Variants in AP5S1 observed in about 807,000 individuals in gnomAD.
The protein encoded by AP5S1 is AP-5 complex subunit sigma-1.
A neutral mutation model predicts 13.9 loss-of-function variants in AP5S1; 13 were observed. That is an observed-to-expected ratio of 0.94 (90% CI 0.61 to 1.49). The LOEUF (loss-of-function observed/expected upper bound fraction) is 1.49, where lower values mean the gene tolerates loss of function less well. Among genes scored for constraint, AP5S1 ranks in the 40% most tolerant of loss-of-function variants. AP5S1 has a pLI of 0.00. For synonymous variants in AP5S1, 132 were observed against 121.8 expected (o/e 1.08, Z -0.55); for missense variants, 292 against 272.3 (o/e 1.07, Z -0.51).
In AP5S1 at chr20:3,822,149, G is replaced by T. The variant is rs1397170477; in HGVS notation, c.32G>T (p.Arg11Met). The T allele has an allele frequency of 1.2e-6, 2 of 1,614,062 alleles. No individual in the cohort carries two copies. Among genetic ancestry groups the T allele is most frequent in the Non-Finnish European group, 1.7e-6 (2 of 1,180,012 alleles). Residue 11 changes from arginine (R) to methionine (M), a missense_variant, in exon 2 of 3, where the codon AGG (arginine) becomes ATG (methionine). Coordinates refer to ENST00000615891, the MANE Select transcript of AP5S1 (RefSeq NM_018347.3). ...CACGCCTTCCTCATTCACACCTTGA[G>T]GGCCCCGAATACTGAGGACACGGGC... MVHAFLIHTL[R>M]APNTEDTGLC... is the part of the protein sequence containing the mutation.
At chr20:3,823,846 A>G in intron 2 of AP5S1, 25 bp from the exon 3 acceptor site, 1 of 1,584,492 alleles carries the variant, frequency 6.3e-7, no homozygotes, top group Non-Finnish European at 8.6e-7. Flanking sequence ...TGAGCCCACC[A>G]GCCTGACCTG....
At position 3,824,036 on chromosome 20, in the gene AP5S1, G is replaced by A. The variant is rs1443941319; in HGVS notation, c.342G>A (p.Trp114Ter). ...NPFQEPRTVVWLGVLSLGFAL... is the reference protein window; with the variant it reads ...NPFQEPRTVV ...TCCAGGAGCCACGGACGGTGGTGTG[G>A]CTGGGCGTGCTCTCGTTAGGCTTTG... The change falls in exon 3 of 3, where the codon TGG becomes TGA. Residue 114 changes from tryptophan (W) to a stop codon, truncating the protein, a stop_gained. Transcript: ENST00000615891. LOFTEE classifies it high-confidence loss of function. The A allele has an allele frequency of 5.6e-6, 9 of 1,613,600 alleles. No individual in the cohort carries two copies. Among genetic ancestry groups the A allele is most frequent in the Non-Finnish European group, 7.6e-6 (9 of 1,180,030 alleles).
rs1028448045 is a variant in AP5S1, at chr20:3,823,339, C to G, written c.177-532C>G. Among the ~76,000 whole-genome samples, 9 of 152,194 alleles carry G rather than the reference C, an allele frequency of 5.9e-5. No individual in the cohort carries two copies. The South Asian group carries it at 1.7e-3, about 28-fold the overall frequency. On this transcript the variant is annotated intron_variant, in intron 2 of 2. Transcript: ENST00000615891. The stretch of plus-strand genomic sequence containing the variant: ...TCTTGGCTCACTGCAACCTCCGCCT[C>G]CTGGGTTCATGCCATTCTCCTGCCT...
Position 3,825,035 on chromosome 20 carries a change from G to A in AP5S1, c.*738G>A, listed in dbSNP as rs1262803036. On this transcript the variant is annotated 3_prime_UTR_variant, in exon 3 of 3. Coordinates refer to ENST00000615891, the MANE Select transcript of AP5S1 (RefSeq NM_018347.3). ...TGCATGCTGGCAGGCCACAGCCCCTGGCTTTGTGCCCACTTAGGCAGTATT... is the reference window on the plus strand; with the variant it reads ...TGCATGCTGGCAGGCCACAGCCCCTAGCTTTGTGCCCACTTAGGCAGTATT... 2 of 152,022 alleles carry A rather than the reference G, an allele frequency of 1.3e-5. No homozygotes were observed. The highest frequency in any genetic ancestry group is 4.8e-5 in the African/African-American group (2 of 41,332). 9.4% of individuals were successfully genotyped at this position (152,022 alleles called of 1,614,324 possible).
intron 2 of AP5S1, among the ~76,000 whole-genome samples, chr20:3,822,783 T>C (rs1189857286): frequency 6.6e-6 from 1 of 152,202 alleles, no homozygotes; most frequent in African/African-American, 2.4e-5. Context: ...TTAGTGTGCC[T>C]GTAGACTTTA....
In AP5S1 at chr20:3,822,097, T is replaced by C; in HGVS notation, c.-16-5T>C. ...ACCTTACCAATGTCTCTGGCTTCCC[T>C]GTAGCACCCACCCTGGAGCCATGGT... On this transcript the variant is annotated splice_region_variant and splice_polypyrimidine_tract_variant and intron_variant, in intron 1 of 2. Coordinates refer to ENST00000615891, the MANE Select transcript of AP5S1 (RefSeq NM_018347.3). 1 of 1,610,754 alleles carries C rather than the reference T, an allele frequency of 6.2e-7. No homozygotes were observed. Among genetic ancestry groups the C allele is most frequent in the Non-Finnish European group, 8.5e-7 (1 of 1,178,116 alleles).
Position 3,825,664 on chromosome 20 carries a change from T to TCAAGCCTATTA in AP5S1, c.*1367_*1368insCAAGCCTATTA. Reference sequence around the variant, plus strand: ...ATGCTTGTCAAGCCTATTAGGACTGTGGTAGGGAGCTGAGTGCCTCTAGGG... The same window carrying TCAAGCCTATTA: ...ATGCTTGTCAAGCCTATTAGGACTGTCAAGCCTATTAGGTAGGGAGCTGAGTGCCTCTAGGG... On this transcript the variant is annotated 3_prime_UTR_variant, in exon 3 of 3. Transcript: ENST00000615891. 1 of 152,128 alleles carries TCAAGCCTATTA rather than the reference T, an allele frequency of 6.6e-6. No homozygotes were observed. The highest frequency in any genetic ancestry group is 2.4e-5 in the African/African-American group (1 of 41,498). 9.4% of individuals were successfully genotyped at this position (152,128 alleles called of 1,614,324 possible).
chr20:3,823,720 T>C, intron 2 of AP5S1, 151 bp from the exon 3 acceptor site: 1 of 1,458,796 alleles, frequency 6.9e-7, no homozygotes, highest in South Asian at 1.5e-5. Flanking sequence ...TTCCTGATTC[T>C]GTGGCCCTGG....
rs564688710 is a variant in AP5S1, at chr20:3,820,956, C to G, written c.-17+198C>G. 4 of 152,290 alleles carry G rather than the reference C, an allele frequency of 2.6e-5. No homozygotes were observed. In the East Asian group the frequency reaches 7.7e-4, roughly 29 times the overall value. The allele number at this position is 152,290 out of a possible 1,614,324, so 9.4% of individuals were successfully genotyped here. On this transcript the variant is annotated intron_variant, in intron 1 of 2. Coordinates refer to ENST00000615891, the MANE Select transcript of AP5S1 (RefSeq NM_018347.3). ...TCTGTTTAGCCTTAGCTACAGATAC[C>G]CACTGACTGTGTACCCGCCGCCTTT...
In AP5S1 at chr20:3,826,276, C is replaced by G. The variant is rs1465350845; in HGVS notation, c.*1979C>G. ...TTATGGTGCCACAAACCACCTTGAC[C>G]ATGAAGACCTAAAGGGATGTTACTC... On this transcript the variant is annotated 3_prime_UTR_variant, in exon 3 of 3. Transcript: ENST00000615891. 1 of 152,208 alleles carries G rather than the reference C, an allele frequency of 6.6e-6. No individual in the cohort carries two copies. The highest frequency in any genetic ancestry group is 1.5e-5 in the Non-Finnish European group (1 of 68,074). 9.4% of individuals were successfully genotyped at this position (152,208 alleles called of 1,614,324 possible). A position where few individuals can be genotyped will look rare whatever the true frequency, so the allele number is the denominator to read the frequency against.
chr20:3,824,427 T>C lies in AP5S1; in HGVS notation c.*130T>C. On this transcript the variant is annotated 3_prime_UTR_variant, in exon 3 of 3. Coordinates refer to ENST00000615891, the MANE Select transcript of AP5S1 (RefSeq NM_018347.3). ...CCAGGACAAGTGGGTGACACAAGCC[T>C]GCAGAAAGGGGGCTGGGCAGAGGGT... 1 of 959,230 alleles carries C rather than the reference T, an allele frequency of 1.0e-6. No individual in the cohort carries two copies. Among genetic ancestry groups the C allele is most frequent in the East Asian group, 2.6e-5 (1 of 38,164 alleles). The allele number at this position is 959,230 out of a possible 1,614,324, so 59.4% of individuals were successfully genotyped here. A position where few individuals can be genotyped will look rare whatever the true frequency, so the allele number is the denominator to read the frequency against.
rs1422735205 is a variant in AP5S1, at chr20:3,828,620, T to C, written c.*4323T>C. 1 of 152,268 alleles carries C rather than the reference T, an allele frequency of 6.6e-6. No individual in the cohort carries two copies. The highest frequency in any genetic ancestry group is 6.5e-5 in the Admixed American group (1 of 15,280). 9.4% of individuals were successfully genotyped at this position (152,268 alleles called of 1,614,324 possible). Reference sequence around the variant, plus strand: ...GAATGTTGTGTAGTTAGATTCATACTGTATATGTAGCCTTTTCAGATTGAC... The same window carrying C: ...GAATGTTGTGTAGTTAGATTCATACCGTATATGTAGCCTTTTCAGATTGAC... On this transcript the variant is annotated 3_prime_UTR_variant, in exon 3 of 3. Coordinates refer to ENST00000615891, the MANE Select transcript of AP5S1 (RefSeq NM_018347.3).
In AP5S1 at chr20:3,824,441, T is replaced by A. The variant is rs189416579; in HGVS notation, c.*144T>A. ...TGACACAAGCCTGCAGAAAGGGGGC[T>A]GGGCAGAGGGTGGAGGAGGTCCTGC... On this transcript the variant is annotated 3_prime_UTR_variant, in exon 3 of 3. Transcript: ENST00000615891. 3.5e-6 allele frequency: 3 copies of A among 856,228 alleles called. No homozygotes were observed. The highest frequency in any genetic ancestry group is 5.3e-6 in the Non-Finnish European group (3 of 565,034). The allele number at this position is 856,228 out of a possible 1,614,324, so 53.0% of individuals were successfully genotyped here.
Position 3,822,106 on chromosome 20 carries a change from C to G in AP5S1, c.-12C>G, listed in dbSNP as rs1217275289. The G allele has an allele frequency of 1.2e-6, 2 of 1,611,324 alleles. No individual in the cohort carries two copies. Among genetic ancestry groups the G allele is most frequent in the Non-Finnish European group, 1.7e-6 (2 of 1,178,466 alleles). Reference sequence around the variant, plus strand: ...ATGTCTCTGGCTTCCCTGTAGCACCCACCCTGGAGCCATGGTCCACGCCTT... The same window carrying G: ...ATGTCTCTGGCTTCCCTGTAGCACCGACCCTGGAGCCATGGTCCACGCCTT... On this transcript the variant is annotated 5_prime_UTR_variant, in exon 2 of 3. Transcript: ENST00000615891.
chr20:3,822,034 C>T (rs899980326), intron 1 of AP5S1, 68 bp from the exon 2 acceptor site: 19 of 1,534,532 alleles, frequency 1.2e-5, no homozygotes, highest in Non-Finnish European at 1.6e-5. Flanking sequence ...CAGGTCAGCC[C>T]CTTCCTGTGG....
rs943600598 is a variant in AP5S1 at position 3,825,485 on chromosome 20, G to A, written c.*1188G>A. On this transcript the variant is annotated 3_prime_UTR_variant, in exon 3 of 3. Coordinates refer to ENST00000615891, the MANE Select transcript of AP5S1 (RefSeq NM_018347.3). The stretch of plus-strand genomic sequence containing the variant: ...CCTTAGAGGCCTCCTTTGGATGGTG[G>A]CACACATTTCTCCACCAAAGTATAT... The A allele has an allele frequency of 7.9e-5, 12 of 152,310 alleles. 1 individual carries two copies. The highest frequency in any genetic ancestry group is 7.2e-4 in the Admixed American group (11 of 15,276). 9.4% of individuals were successfully genotyped at this position (152,310 alleles called of 1,614,324 possible).
At chr20:3,823,468 G>T in intron 2 of AP5S1, 1 of 841,290 alleles carries the variant, frequency 1.2e-6, no homozygotes, top group African/African-American at 1.8e-5. Context: ...AGCCAGGATG[G>T]TCTCGATCTC....
intron 2 of AP5S1, among the ~76,000 whole-genome samples, chr20:3,823,261 T>G (rs914843352): frequency 6.6e-6 from 1 of 152,120 alleles, no homozygotes; most frequent in Non-Finnish European, 1.5e-5. Context: ...TCCCTTTCCT[T>G]TTTTTGAGAT....
chr20:3,823,941 TC>T lies in AP5S1; in HGVS notation c.249del (p.Ser84GlnfsTer37). The T allele has an allele frequency of 6.2e-7, 1 of 1,607,560 alleles. No homozygotes were observed. Among genetic ancestry groups the T allele is most frequent in the Non-Finnish European group, 8.5e-7 (1 of 1,179,964 alleles). ...GRPPMDLQPQSSDEQVPLHEA... is the reference protein window; with the variant it reads ...GRPPMDLQPQXSDEQVPLHEA... Reference sequence around the variant, plus strand: ...GCCCCCCATGGACCTGCAGCCGCAATCCTCAGATGAGCAAGTGCCGCTGCAC... The same window carrying T: ...GCCCCCCATGGACCTGCAGCCGCAATCTCAGATGAGCAAGTGCCGCTGCAC... On this transcript the variant is annotated frameshift_variant, in exon 3 of 3. Transcript: ENST00000615891. LOFTEE classifies it high-confidence loss of function.
Sources: allele counts gnomAD v4.1 joint callset (sites outside exome capture counted in the v4.1 genomes callset), GRCh38; gene constraint gnomAD v4.1.1; transcripts MANE v1.5; gene names NCBI Gene and HGNC (gene_info 2026-07-23, HGNC 2026-07-21).